The following NADK variants were observed in gnomAD, a reference collection of about 807,000 sequenced individuals.
NADK encodes NAD kinase, also known as poly(P)/ATP NAD kinase.
NADK carries 22 observed loss-of-function variants against 49.8 expected under a neutral mutation model. That is an observed-to-expected ratio of 0.44 (90% confidence interval 0.32 to 0.63). The LOEUF (loss-of-function observed/expected upper bound fraction) is 0.63. Among genes scored for constraint, NADK ranks in the 30% least tolerant of loss-of-function variants. The probability of loss-of-function intolerance (pLI) is 0.06; values close to 1 mark genes in which losing one functional copy is unlikely to be tolerated. For missense variants in NADK, 438 were observed against 609.4 expected, an observed-to-expected ratio of 0.72 and a Z score of 2.96; for synonymous variants, 268 against 253.7, an observed-to-expected ratio of 1.06 and a Z score of -0.54.
intron 1 of NADK, among the ~76,000 whole-genome samples, chr1:1,770,733 AAATAAT>A (rs886648886): frequency 1.3e-5 from 2 of 151,950 alleles, no homozygotes; most frequent in African/African-American, 2.4e-5. Context: ...CTCTGTCTCA[AAATAAT>A]AATAATAATA....
intron 2 of NADK, among the ~76,000 whole-genome samples, chr1:1,762,641 G>A (rs1305601870): frequency 6.6e-6 from 1 of 152,054 alleles, no homozygotes; most frequent in African/African-American, 2.4e-5. Context: ...CCTGCAGTCC[G>A]AGCTACTCAG....
intron 1 of NADK, among the ~76,000 whole-genome samples, chr1:1,773,387 C>T (rs181145238): frequency 0.014 from 2,149 of 151,292 alleles, 46 homozygotes; most frequent in African/African-American, 0.049. Context: ...GTGATCCGCC[C>T]GCCTCGGCCT....
At chr1:1,764,422 T>C (rs1645823606) in intron 2 of NADK, among the ~76,000 whole-genome samples, 1 of 152,160 alleles carries the variant, frequency 6.6e-6, no homozygotes, top group African/African-American at 2.4e-5. Context: ...GTGAGCGCTG[T>C]GGGCACTCTT....
At chr1:1,772,693 T>C (rs1404986035) in intron 1 of NADK, among the ~76,000 whole-genome samples, 2 of 151,988 alleles carry the variant, frequency 1.3e-5, no homozygotes, top group Non-Finnish European at 2.9e-5. Context: ...GTTAGCAGTA[T>C]TTCAATTCCC....
chr1:1,758,882 C>A (rs1031558480), intron 3 of NADK, among the ~76,000 whole-genome samples: 2 of 152,208 alleles, frequency 1.3e-5, no homozygotes, highest in African/African-American at 2.4e-5. Context: ...GCGCCAGCCA[C>A]CGCTCTGGCC....
At chr1:1,769,512 T>C (rs1177817211) in intron 1 of NADK, among the ~76,000 whole-genome samples, 1 of 151,604 alleles carries the variant, frequency 6.6e-6, no homozygotes, top group Non-Finnish European at 1.5e-5. Context: ...TATCGCGCCA[T>C]GGCACTCCAG....
In NADK at chr1:1,768,856, G is replaced by C. The variant is rs185783057; in HGVS notation, c.-40-3410C>G. 7.9e-4 allele frequency among the ~76,000 whole-genome samples: 120 copies of C among 152,282 alleles called. 1 individual carries two copies. Among genetic ancestry groups the C allele is most frequent in the Middle Eastern group, 3.4e-3 (1 of 294 alleles). On this transcript the variant is annotated intron_variant, in intron 1 of 11. Coordinates refer to ENST00000341426, the MANE Select transcript of NADK (RefSeq NM_023018.5). Reference sequence around the variant, plus strand: ...CAAGGTGGGCAGAAGGAAAGTTCAGGAACTATGGACACAAGACTGTGGGCC... The same window carrying C: ...CAAGGTGGGCAGAAGGAAAGTTCAGCAACTATGGACACAAGACTGTGGGCC...
At chr1:1,756,959 C>A (rs1020628545) in intron 4 of NADK, 1 of 856,612 alleles carries the variant, frequency 1.2e-6, no homozygotes. Flanking sequence ...TCCAGGGCCA[C>A]GAGCCCACCA....
At chr1:1,774,040 G>C (rs1174882918) in intron 1 of NADK, among the ~76,000 whole-genome samples, 1 of 152,038 alleles carries the variant, frequency 6.6e-6, no homozygotes, top group Non-Finnish European at 1.5e-5. Context: ...CAGCCTAGAA[G>C]CTCTGTTCAT....
At chr1:1,759,109 C>G in intron 3 of NADK, 1 of 1,544,940 alleles carries the variant, frequency 6.5e-7, no homozygotes. Flanking sequence ...ACCCAGTGGC[C>G]TGGCCTACAC....
At position 1,754,319 on chromosome 1, in the gene NADK, A is replaced by G; in HGVS notation, c.908T>C (p.Leu303Pro). 1.9e-6 allele frequency: 3 copies of G among 1,613,900 alleles called. No individual in the cohort carries two copies. Among genetic ancestry groups the G allele is most frequent in the Non-Finnish European group, 2.5e-6 (3 of 1,179,950 alleles). The change falls in exon 9 of 12, where the codon CTG becomes CCG. Residue 303 changes from leucine (L) to proline (P), a missense_variant. Physicochemically the swap from Leu to Pro is moderately conservative, Grantham distance 98 (BLOSUM62 -3). Transcript: ENST00000341426. This position sits in a 1 kb window ranked among gnomAD's most constrained non-coding sequence, Gnocchi z 4.3. The stretch of plus-strand genomic sequence containing the variant: ...CACCGTGGTGATGAGGTGTCCGTCC[A>G]GGTAGACATCCACATTGGACAGGTA... ...SSYLSNVDVY[L>P]DGHLITTVQG...
intron 1 of NADK, among the ~76,000 whole-genome samples, chr1:1,776,460 T>C (rs1485584081): frequency 8.2e-6 from 1 of 121,512 alleles, no homozygotes; most frequent in Non-Finnish European, 2.0e-5. Context: ...CAAGTTCAAA[T>C]GAAACAAACA....
chr1:1,766,339 G>T (rs1234285300), intron 1 of NADK, among the ~76,000 whole-genome samples: 1 of 146,338 alleles, frequency 6.8e-6, no homozygotes, highest in Non-Finnish European at 1.5e-5. Flanking sequence ...CCGGGAAGCG[G>T]AGGTTGTGGT....
chr1:1,774,261 G>A (rs1159733711), intron 1 of NADK, among the ~76,000 whole-genome samples: 2 of 151,218 alleles, frequency 1.3e-5, no homozygotes, highest in Non-Finnish European at 2.9e-5. Context: ...ATGGAGCTTC[G>A]CTGATGTTGT....
intron 1 of NADK, among the ~76,000 whole-genome samples, chr1:1,777,402 A>T (rs1014789609): frequency 2.6e-5 from 4 of 152,212 alleles, no homozygotes; most frequent in African/African-American, 9.6e-5. Flanking sequence ...GGAAAAAAAA[A>T]CTTATTAAGG....
At chr1:1,773,711 T>TGAGAGAGAGAGAGA (rs769092801) in intron 1 of NADK, among the ~76,000 whole-genome samples, 3 of 113,680 alleles carry the variant, frequency 2.6e-5, no homozygotes, top group Admixed American at 8.7e-5. Context: ...TGTGTGTGTG[T>TGAGAGAGAGAGAGA]GTGTGTGTGT....
Position 1,754,752 on chromosome 1 carries a change from G to A in NADK, c.689-54C>T, listed in dbSNP as rs565841573. On this transcript the variant is annotated intron_variant, in intron 7 of 11. Coordinates refer to ENST00000341426, the MANE Select transcript of NADK (RefSeq NM_023018.5). This position sits in a 1 kb window ranked among gnomAD's most constrained non-coding sequence, Gnocchi z 4.3. ...GCATCAGGGAAGTCAGTGGGGTCAG[G>A]GGCCCCACCCCAGGGAGGCCAGTGG... 3.3e-4 allele frequency: 507 copies of A among 1,532,916 alleles called. 2 individuals carry two copies. Among genetic ancestry groups the A allele is most frequent in the Admixed American group, 5.9e-4 (28 of 47,850 alleles). The allele number at this position is 1,532,916 out of a possible 1,614,324, so 95.0% of individuals were successfully genotyped here.
chr1:1,756,230 T>G (rs758119080), intron 6 of NADK, 28 bp downstream of exon 6: 3 of 1,600,040 alleles, frequency 1.9e-6, no homozygotes, highest in South Asian at 1.1e-5. Flanking sequence ...TAGAACCTGG[T>G]GTGGGTCTGG....
In NADK at chr1:1,754,194, T is replaced by C. The variant is rs1570498203; in HGVS notation, c.958A>G (p.Thr320Ala). 1 of 1,612,468 alleles carries C rather than the reference T, an allele frequency of 6.2e-7. No homozygotes were observed. ...GCATACGCCGTGCTGCCCGTCGGGGTGGACACGATCACTCCTGACAGGGAC... is the reference window on the plus strand; with the variant it reads ...GCATACGCCGTGCTGCCCGTCGGGGCGGACACGATCACTCCTGACAGGGAC... ...TVQGDGVIVS[T>A]PTGSTAYAAA... The change falls in exon 10 of 12, where the codon ACC becomes GCC. Residue 320 changes from threonine (T) to alanine (A), a missense_variant. Physicochemically the swap from Thr to Ala is moderately conservative, Grantham distance 58. Transcript: ENST00000341426. The surrounding 1 kb of genome is among the most constrained non-coding windows in gnomAD (Gnocchi z 4.3).
Sources: gnomAD v4.1 joint callset for allele counts (sites outside exome capture counted in the v4.1 genomes callset) on GRCh38, gnomAD v4.1.1 for gene constraint, Gnocchi (gnomAD v3.1) non-coding constraint, MANE v1.5 for transcripts, NCBI Gene and HGNC (gene_info 2026-07-23, HGNC 2026-07-21) for gene names.